The following UBOX5 variants were observed in gnomAD, a reference collection of about 807,000 sequenced individuals.
The protein encoded by UBOX5 is RING finger protein 37.
A neutral mutation model predicts 39.0 loss-of-function variants in UBOX5; 28 were observed. That is an observed-to-expected ratio of 0.72 (90% CI 0.53 to 0.98). The LOEUF (loss-of-function observed/expected upper bound fraction) is 0.98, where lower values mean the gene tolerates loss of function less well. Among genes scored for constraint, UBOX5 ranks in the 50% least tolerant of loss-of-function variants. UBOX5 has a pLI of 0.00. For synonymous variants in UBOX5, 283 were observed against 275.5 expected, an observed-to-expected ratio of 1.03 and a Z score of -0.27; for missense variants, 585 against 674.4, an observed-to-expected ratio of 0.87 and a Z score of 1.47.
chr20:3,152,455 T>G (rs1162303614), intron 1 of UBOX5, among the ~76,000 whole-genome samples: 1 of 151,890 alleles, frequency 6.6e-6, no homozygotes, highest in Non-Finnish European at 1.5e-5. Flanking sequence ...TGAGCTGAGA[T>G]AGCGCCACTG....
At chr20:3,142,027 CTTTTT>C (rs747172577) in intron 1 of UBOX5, among the ~76,000 whole-genome samples, 35 of 133,906 alleles carry the variant, frequency 2.6e-4, no homozygotes, top group Non-Finnish European at 3.0e-4. Flanking sequence ...CTTTTCTTTT[CTTTTT>C]TTTTTGCCTC....
intron 1 of UBOX5, among the ~76,000 whole-genome samples, chr20:3,124,481 A>G (rs965357733): frequency 1.7e-4 from 25 of 151,224 alleles, no homozygotes; most frequent in Non-Finnish European, 3.4e-4. Flanking sequence ...TACAACCTCC[A>G]CCTCCCAGCC....
At chr20:3,125,848 G>A (rs2066383326) in intron 1 of UBOX5, among the ~76,000 whole-genome samples, 1 of 148,282 alleles carries the variant, frequency 6.7e-6, no homozygotes, top group Non-Finnish European at 1.5e-5. Flanking sequence ...TGCCCCGTTT[G>A]GGATGTGAGG....
intron 3 of UBOX5, among the ~76,000 whole-genome samples, chr20:3,120,358 A>C (rs547906055): frequency 5.3e-5 from 8 of 151,484 alleles, no homozygotes; most frequent in African/African-American, 9.7e-5. Flanking sequence ...AAAAAAAAAA[A>C]AAAACAGAAG....
At position 3,149,064 on chromosome 20, in the gene UBOX5, C is replaced by T. The variant is rs2148621469; in HGVS notation, c.-42+10702G>A. 6.2e-7 allele frequency: 1 copy of T among 1,608,522 alleles called. No individual in the cohort carries two copies. The highest frequency in any genetic ancestry group is 1.1e-5 in the South Asian group (1 of 90,296). On this transcript the variant is annotated intron_variant, in intron 1 of 4. Coordinates refer to ENST00000217173, the MANE Select transcript of UBOX5 (RefSeq NM_014948.4). This position sits in a 1 kb window ranked among gnomAD's most constrained non-coding sequence, Gnocchi z 4.1. ...ACAAGTTTTAATGACTTGAGAGTAG[C>T]TGCCATTCTGGTGTCAGTATTGATC...
At chr20:3,142,964 A>G (rs1012545437) in intron 1 of UBOX5, among the ~76,000 whole-genome samples, 3 of 151,822 alleles carry the variant, frequency 2.0e-5, no homozygotes, top group African/African-American at 7.2e-5. Flanking sequence ...AAAGTGGAAA[A>G]GAAGATATAA....
chr20:3,121,840 T>C lies in UBOX5; in HGVS notation c.799A>G (p.Ile267Val). ...GGACAAGGCATGATCTCCAGGGTGATGGGATCCAGGAACTCCTCAGGCACA... is the reference window on the plus strand; with the variant it reads ...GGACAAGGCATGATCTCCAGGGTGACGGGATCCAGGAACTCCTCAGGCACA... ...QDVPEEFLDP[I>V]TLEIMPCPML... Residue 267 changes from isoleucine (I) to valine (V), a missense_variant, in exon 3 of 5, where the codon ATC becomes GTC. Transcript: ENST00000217173. 1 of 1,614,048 alleles carries C rather than the reference T, an allele frequency of 6.2e-7. No homozygotes were observed. Among genetic ancestry groups the C allele is most frequent in the East Asian group, 2.2e-5 (1 of 44,870 alleles).
intron 1 of UBOX5, chr20:3,147,325 C>T: frequency 6.2e-7 from 1 of 1,614,156 alleles, no homozygotes; most frequent in Non-Finnish European, 8.5e-7. Context: ...GGGTATGAGG[C>T]AAAATCATAT....
rs1384310625 is a variant in UBOX5 at position 3,148,802 on chromosome 20, G to A, written c.-42+10964C>T. The A allele has an allele frequency of 3.1e-6, 5 of 1,614,244 alleles. No individual in the cohort carries two copies. Among genetic ancestry groups the A allele is most frequent in the Non-Finnish European group, 3.4e-6 (4 of 1,180,034 alleles). On this transcript the variant is annotated intron_variant, in intron 1 of 4. Coordinates refer to ENST00000217173, the MANE Select transcript of UBOX5 (RefSeq NM_014948.4). Reference sequence around the variant, plus strand: ...GGCCCTGGGTGAGCCCAGCTGCAATGTACTGGCCTTAGAGGAAGAAGTCTT... The same window carrying A: ...GGCCCTGGGTGAGCCCAGCTGCAATATACTGGCCTTAGAGGAAGAAGTCTT...
intron 1 of UBOX5, among the ~76,000 whole-genome samples, chr20:3,140,051 T>C (rs1363331101): frequency 1.6e-5 from 2 of 125,112 alleles, no homozygotes; most frequent in African/African-American, 5.7e-5. Context: ...AGATGGAGTC[T>C]CACTCTGTCA....
chr20:3,156,324 C>T (rs201642744), intron 1 of UBOX5, among the ~76,000 whole-genome samples: 2 of 152,108 alleles, frequency 1.3e-5, no homozygotes, highest in East Asian at 1.9e-4. Flanking sequence ...TAAAGGCTCA[C>T]GCCAACATGC....
intron 4 of UBOX5, among the ~76,000 whole-genome samples, chr20:3,112,944 C>T (rs2066264594): frequency 1.3e-5 from 2 of 151,142 alleles, no homozygotes; most frequent in East Asian, 1.9e-4. Context: ...CCAGCCTGGG[C>T]GACAGAGCGA....
chr20:3,109,259 G>C lies in UBOX5; in HGVS notation c.*847C>G, dbSNP rs1024839760. 1 of 152,132 alleles carries C rather than the reference G, an allele frequency of 6.6e-6. No individual in the cohort carries two copies. The highest frequency in any genetic ancestry group is 2.4e-5 in the African/African-American group (1 of 41,420). 9.4% of individuals were successfully genotyped at this position (152,132 alleles called of 1,614,324 possible). A position where few individuals can be genotyped will look rare whatever the true frequency, so the allele number is the denominator to read the frequency against. ...AAAGCTAAATGTTGGGCTGAAAAAA[G>C]GATGCAGCCTATAAACAAGTATTTT... On this transcript the variant is annotated 3_prime_UTR_variant, in exon 5 of 5. Coordinates refer to ENST00000217173, the MANE Select transcript of UBOX5 (RefSeq NM_014948.4).
chr20:3,109,779 A>G lies in UBOX5; in HGVS notation c.*327T>C, dbSNP rs1431637127. The stretch of plus-strand genomic sequence containing the variant: ...AGCCACCCACAGTGCCCTGCTGGAC[A>G]GGGGGGTATGCGGACTGCACGGGGG... On this transcript the variant is annotated 3_prime_UTR_variant, in exon 5 of 5. Coordinates refer to ENST00000217173, the MANE Select transcript of UBOX5 (RefSeq NM_014948.4). 5 of 373,820 alleles carry G rather than the reference A, an allele frequency of 1.3e-5. No individual in the cohort carries two copies. The East Asian group carries it at 3.1e-4, about 23-fold the overall frequency. The allele number at this position is 373,820 out of a possible 1,614,324, so 23.2% of individuals were successfully genotyped here.
At chr20:3,137,242 A>T (rs1396716925) in intron 1 of UBOX5, among the ~76,000 whole-genome samples, 2 of 151,922 alleles carry the variant, frequency 1.3e-5, no homozygotes, top group African/African-American at 4.8e-5. Context: ...ACCACACCCA[A>T]CCAGAAATTG....
chr20:3,148,501 G>C, intron 1 of UBOX5: 1 of 1,614,138 alleles, frequency 6.2e-7, no homozygotes, highest in African/African-American at 1.3e-5. Flanking sequence ...TCAGCTGGCA[G>C]AGCAGAGCAA....
chr20:3,147,335 T>C lies in UBOX5; in HGVS notation c.-42+12431A>G, dbSNP rs142069372. 4.6e-5 allele frequency: 74 copies of C among 1,614,204 alleles called. No homozygotes were observed. The African/African-American group carries it at 5.1e-4, about 11-fold the overall frequency. ...AGATCGGGTATGAGGCAAAATCATA[T>C]GGTGCTTGACGTACTGGGGCCCCCC... On this transcript the variant is annotated intron_variant, in intron 1 of 4. Coordinates refer to ENST00000217173, the MANE Select transcript of UBOX5 (RefSeq NM_014948.4).
At chr20:3,142,123 C>G (rs1048087697) in intron 1 of UBOX5, among the ~76,000 whole-genome samples, 4 of 148,296 alleles carry the variant, frequency 2.7e-5, no homozygotes, top group South Asian at 4.2e-4. Context: ...AGTGCCACTG[C>G]ACTCCCAGTA....
chr20:3,152,144 CA>C (rs1298074952), intron 1 of UBOX5, among the ~76,000 whole-genome samples: 1 of 146,814 alleles, frequency 6.8e-6, no homozygotes, highest in African/African-American at 2.5e-5. Flanking sequence ...ACAGAGATAG[CA>C]GGTAACAGAA....
Sources: allele counts gnomAD v4.1 joint callset (sites outside exome capture counted in the v4.1 genomes callset), GRCh38; gene constraint gnomAD v4.1.1; non-coding constraint Gnocchi (gnomAD v3.1); transcripts MANE v1.5; gene names NCBI Gene and HGNC (gene_info 2026-07-23, HGNC 2026-07-21).